MROH7: variants seen among roughly 807,000 people sequenced by gnomAD.
MROH7 encodes the protein maestro heat like repeat family member 7.
Under a neutral mutation model 129.2 loss-of-function variants are expected in MROH7, and 113 were observed. The observed-to-expected ratio is 0.87, with a 90% CI of 0.75 to 1.02. The LOEUF (loss-of-function observed/expected upper bound fraction) is 1.02. Ranked by LOEUF, MROH7 falls within the 50% of genes least tolerant of loss-of-function variation. The pLI is 0.00. For synonymous variants in MROH7, 655 were observed against 667.9 expected, an observed-to-expected ratio of 0.98 and a Z score of 0.30; for missense variants, 1,601 against 1,671.3, an observed-to-expected ratio of 0.96 and a Z score of 0.73.
intron 3 of MROH7, among the ~76,000 whole-genome samples, chr1:54,657,066 T>TC (rs1644661214): frequency 6.7e-6 from 1 of 150,054 alleles, no homozygotes; most frequent in Non-Finnish European, 1.5e-5. Flanking sequence ...TTTTTTTTTT[T>TC]AGACATGATC....
chr1:54,652,855 T>G lies in MROH7; in HGVS notation c.-72T>G. The stretch of plus-strand genomic sequence containing the variant: ...ATTTGTCTTTTCTCTCTCTCAAGAC[T>G]GCTGCTGGGAATGTGACAGTTGGCT... On this transcript the variant is annotated splice_region_variant and 5_prime_UTR_variant, in exon 3 of 24. Coordinates refer to ENST00000421030, the MANE Select transcript of MROH7 (RefSeq NM_001039464.4). The G allele has an allele frequency of 6.6e-7, 1 of 1,516,508 alleles. No individual in the cohort carries two copies. The highest frequency in any genetic ancestry group is 1.3e-5 in the South Asian group (1 of 74,500). The allele number at this position is 1,516,508 out of a possible 1,614,324, so 93.9% of individuals were successfully genotyped here.
chr1:54,655,168 C>T (rs1644624329), intron 3 of MROH7, among the ~76,000 whole-genome samples: 1 of 151,790 alleles, frequency 6.6e-6, no homozygotes, highest in Admixed American at 6.6e-5. Flanking sequence ...GCGCCCACCA[C>T]CACGCCCAGC....
chr1:54,667,071 G>A (rs1248036927), intron 4 of MROH7, among the ~76,000 whole-genome samples: 1 of 152,192 alleles, frequency 6.6e-6, no homozygotes, highest in Non-Finnish European at 1.5e-5. Context: ...CCTCTACTAT[G>A]TGCCAGGCAC....
chr1:54,678,888 T>G (rs768869865), intron 11 of MROH7, 34 bp downstream of exon 11: 1 of 1,548,086 alleles, frequency 6.5e-7, no homozygotes, highest in South Asian at 1.1e-5. Flanking sequence ...GAGCGGAGGG[T>G]GGGGGGTGAG....
chr1:54,647,179 T>G (rs552679230), intron 1 of MROH7, among the ~76,000 whole-genome samples: 35 of 152,368 alleles, frequency 2.3e-4, no homozygotes, highest in African/African-American at 8.4e-4. Context: ...TGCTTATGTT[T>G]TTGGTGTCAT....
intron 4 of MROH7, among the ~76,000 whole-genome samples, chr1:54,666,152 G>C (rs938311013): frequency 6.6e-6 from 1 of 152,180 alleles, no homozygotes; most frequent in Non-Finnish European, 1.5e-5. Flanking sequence ...CTACCATGGC[G>C]CCTGCAAAAA....
At position 54,682,797 on chromosome 1, in the gene MROH7, G is replaced by A; in HGVS notation, c.2520+3G>A. The A allele has an allele frequency of 6.2e-7, 1 of 1,609,960 alleles. No homozygotes were observed. Reference sequence around the variant, plus strand: ...GGGCTTCCATCGTGCCCCTGGCGGTGAGCACCCAGTCAGCCAGCCCCTATT... The same window carrying A: ...GGGCTTCCATCGTGCCCCTGGCGGTAAGCACCCAGTCAGCCAGCCCCTATT... On this transcript the variant is annotated splice_donor_region_variant and intron_variant, in intron 14 of 23. Coordinates refer to ENST00000421030, the MANE Select transcript of MROH7 (RefSeq NM_001039464.4).
At chr1:54,663,906 C>A in intron 3 of MROH7, 1 of 376,342 alleles carries the variant, frequency 2.7e-6, no homozygotes. Context: ...GTATCTACTT[C>A]TCCATCCTCC....
chr1:54,704,922 C>T (rs2101236076), intron 21 of MROH7, among the ~76,000 whole-genome samples: 1 of 149,252 alleles, frequency 6.7e-6, no homozygotes, highest in Middle Eastern at 3.6e-3. Flanking sequence ...GCCTCAACCT[C>T]CTGCGTAGCT....
At chr1:54,693,950 C>A (rs1456865348) in intron 16 of MROH7, among the ~76,000 whole-genome samples, 2 of 152,166 alleles carry the variant, frequency 1.3e-5, no homozygotes, top group Non-Finnish European at 2.9e-5. Context: ...GGTGTGATCT[C>A]TGCTCATTGC....
intron 9 of MROH7, 24 bp from the exon 10 acceptor site, chr1:54,673,992 T>A (rs758049028): frequency 2.5e-6 from 4 of 1,612,768 alleles, no homozygotes; most frequent in Non-Finnish European, 3.4e-6. Context: ...TAACACTCAA[T>A]CCCTAAGATT....
chr1:54,684,994 G>A (rs1231152114), intron 14 of MROH7, among the ~76,000 whole-genome samples: 2 of 152,016 alleles, frequency 1.3e-5, no homozygotes, highest in Non-Finnish European at 2.9e-5. Context: ...TGGCCCAGAT[G>A]CATGGAGTCT....
At position 54,695,468 on chromosome 1, in the gene MROH7, C is replaced by T. The variant is rs201569288; in HGVS notation, c.2942C>T (p.Thr981Met). 208 of 1,613,446 alleles carry T rather than the reference C, an allele frequency of 1.3e-4. 1 individual carries two copies. The highest frequency in any genetic ancestry group is 1.6e-4 in the Non-Finnish European group (191 of 1,179,696). ...LERGDEKHRI[T>M]ATAFFVELLQ... ...CGAGGCGACGAGAAGCACAGGATCA[C>T]GGCCACCGCCTTCTTCGTGGAGGTA... The change falls in exon 17 of 24, where the codon ACG (threonine) becomes ATG (methionine). Residue 981 changes from threonine to methionine, a missense_variant. Physicochemically the swap from Thr to Met is moderately conservative, Grantham distance 81. Coordinates refer to ENST00000421030, the MANE Select transcript of MROH7 (RefSeq NM_001039464.4).
chr1:54,659,814 A>G (rs933239912), intron 3 of MROH7, among the ~76,000 whole-genome samples: 1 of 152,094 alleles, frequency 6.6e-6, no homozygotes, highest in African/African-American at 2.4e-5. Flanking sequence ...ATTCATCCAT[A>G]TTGTGTATTT....
rs1445258915 is a variant in MROH7 at position 54,678,732 on chromosome 1, C to T, written c.1937-10C>T. 14 of 1,599,886 alleles carry T rather than the reference C, an allele frequency of 8.8e-6. No homozygotes were observed. The highest frequency in any genetic ancestry group is 1.3e-5 in the African/African-American group (1 of 74,548). ...GATCCGGCCTCACTGAGAAGGTTCT[C>T]ATCTTGCAGGAGCCAGAGATAAGGA... On this transcript the variant is annotated splice_polypyrimidine_tract_variant and intron_variant, in intron 10 of 23. Transcript: ENST00000421030.
intron 3 of MROH7, chr1:54,663,837 G>C (rs1281009987): frequency 2.3e-6 from 1 of 441,140 alleles, no homozygotes; most frequent in Non-Finnish European, 4.5e-6. Flanking sequence ...GTTCCTTTTA[G>C]TGGGGAAAGG....
chr1:54,676,308 G>T (rs533221250), intron 10 of MROH7, among the ~76,000 whole-genome samples: 2 of 152,204 alleles, frequency 1.3e-5, no homozygotes, highest in East Asian at 3.9e-4. Flanking sequence ...CTCAATCATG[G>T]CTCATTGCAG....
At chr1:54,690,741 C>A (rs753004288) in intron 15 of MROH7, among the ~76,000 whole-genome samples, 1 of 152,168 alleles carries the variant, frequency 6.6e-6, no homozygotes, top group African/African-American at 2.4e-5. Flanking sequence ...CAGCACCTGG[C>A]GAATTCAGAA....
Position 54,696,659 on chromosome 1 carries a change from CTTTTTTTTT to C in MROH7, c.2964+1191_2964+1199del, listed in dbSNP as rs1157748080. On this transcript the variant is annotated intron_variant, in intron 17 of 23. Transcript: ENST00000421030. ...TGTTGCATGCATCACAATTTCCTTA[CTTTTTTTTT>C]TTTTTTTTTTTTTTTTTTTTTGAGA... Among the ~76,000 whole-genome samples, 46 of 66,898 alleles carry C rather than the reference CTTTTTTTTT, an allele frequency of 6.9e-4. 2 individuals carry two copies. Among genetic ancestry groups the C allele is most frequent in the South Asian group, 3.8e-3 (9 of 2,388 alleles). 43.9% of individuals were successfully genotyped at this position (66,898 alleles called of 152,430 possible).
Sources: allele counts gnomAD v4.1 joint callset (sites outside exome capture counted in the v4.1 genomes callset), GRCh38; gene constraint gnomAD v4.1.1; transcripts MANE v1.5; gene names NCBI Gene and HGNC (gene_info 2026-07-23, HGNC 2026-07-21).